Variants in CERS6 observed in about 807,000 individuals in gnomAD.
The protein encoded by CERS6 is LAG1 homolog, ceramide synthase 6.
Under a neutral mutation model 56.8 loss-of-function variants are expected in CERS6, and 26 were observed. The observed-to-expected ratio is 0.46, with a 90% CI of 0.34 to 0.63. CERS6 has a LOEUF of 0.63. CERS6 is among the 30% of genes least tolerant of loss of function. The pLI, the probability that CERS6 is intolerant of heterozygous loss-of-function variation, is 0.01. For synonymous variants in CERS6, 164 were observed against 173.3 expected, an observed-to-expected ratio of 0.95 and a Z score of 0.42; for missense variants, 415 against 467.5, an observed-to-expected ratio of 0.89 and a Z score of 1.04.
chr2:168,495,106 C>T (rs978759878), intron 1 of CERS6, among the ~76,000 whole-genome samples: 1 of 152,146 alleles, frequency 6.6e-6, no homozygotes, highest in Admixed American at 6.6e-5. Context: ...GCTGAACTCC[C>T]ATGAACAAAA....
chr2:168,695,423 G>A (rs3906484), intron 6 of CERS6, among the ~76,000 whole-genome samples: 1 of 152,114 alleles, frequency 6.6e-6, no homozygotes, highest in East Asian at 1.9e-4. Flanking sequence ...CAACCCTACA[G>A]AATTAATTCC....
At chr2:168,762,827 G>A (rs1684619196) in intron 8 of CERS6, among the ~76,000 whole-genome samples, 2 of 152,072 alleles carry the variant, frequency 1.3e-5, no homozygotes, top group African/African-American at 2.4e-5. Context: ...TGCAGAAATC[G>A]GGGGTGGGGA....
intron 4 of CERS6, among the ~76,000 whole-genome samples, chr2:168,661,052 G>A (rs879617956): frequency 3.3e-5 from 5 of 152,076 alleles, no homozygotes; most frequent in Non-Finnish European, 5.9e-5. Flanking sequence ...GCAGAGAGGC[G>A]GGAGGGGGTG....
At chr2:168,660,732 A>C (rs1040162730) in intron 4 of CERS6, among the ~76,000 whole-genome samples, 1 of 151,976 alleles carries the variant, frequency 6.6e-6, no homozygotes, top group Non-Finnish European at 1.5e-5. Flanking sequence ...TTGCTATCGC[A>C]TAGTCTTTTT....
Position 168,742,971 on chromosome 2 carries a change from C to T in CERS6, c.846-22621C>T, listed in dbSNP as rs1168451630. Among the ~76,000 whole-genome samples the T allele has an allele frequency of 2.6e-5, 4 of 152,128 alleles. No individual in the cohort carries two copies. In the East Asian group the frequency reaches 5.8e-4, roughly 22 times the overall value. ...TGCTCTCTTTTGATATTTATCTCCT[C>T]GGGATGGTTGCTTATTTGGAATTTC... On this transcript the variant is annotated intron_variant, in intron 8 of 9. Coordinates refer to ENST00000305747, the MANE Select transcript of CERS6 (RefSeq NM_203463.3).
At chr2:168,476,546 T>A (rs1480125437) in intron 1 of CERS6, among the ~76,000 whole-genome samples, 1 of 152,182 alleles carries the variant, frequency 6.6e-6, no homozygotes, top group South Asian at 2.1e-4. Flanking sequence ...TTGGCTCACA[T>A]GATCTTGGTG....
At chr2:168,476,573 A>G (rs909028104) in intron 1 of CERS6, among the ~76,000 whole-genome samples, 1 of 152,272 alleles carries the variant, frequency 6.6e-6, no homozygotes, top group South Asian at 2.1e-4. Context: ...ACGTCCTGCA[A>G]TAGGCTGTCT....
rs1309848551 is a variant in CERS6 at position 168,554,656 on chromosome 2, A to G, written c.277-6536A>G. Reference sequence around the variant, plus strand: ...TAACAGCCTCCAGAACCATGAGACTATACACTTCTGTTGTTCAGGGAACTT... The same window carrying G: ...TAACAGCCTCCAGAACCATGAGACTGTACACTTCTGTTGTTCAGGGAACTT... On this transcript the variant is annotated intron_variant, in intron 2 of 9. Coordinates refer to ENST00000305747, the MANE Select transcript of CERS6 (RefSeq NM_203463.3). Among the ~76,000 whole-genome samples the G allele has an allele frequency of 2.6e-5, 4 of 152,318 alleles. No individual in the cohort carries two copies. The East Asian group carries it at 7.7e-4, about 29-fold the overall frequency.
At chr2:168,734,157 C>G (rs1683639520) in intron 8 of CERS6, among the ~76,000 whole-genome samples, 1 of 152,028 alleles carries the variant, frequency 6.6e-6, no homozygotes, top group Admixed American at 6.6e-5. Context: ...ATAGAATTAT[C>G]CATGCAAGGG....
chr2:168,752,724 C>A (rs1684310399), intron 8 of CERS6, among the ~76,000 whole-genome samples: 1 of 152,224 alleles, frequency 6.6e-6, no homozygotes, highest in South Asian at 2.1e-4. Flanking sequence ...GTTCTGCACA[C>A]CGTTCAGTGT....
chr2:168,643,363 G>T (rs989016008), intron 4 of CERS6, among the ~76,000 whole-genome samples: 1 of 152,114 alleles, frequency 6.6e-6, no homozygotes, highest in African/African-American at 2.4e-5. Context: ...TGTTGTTGTC[G>T]GGTGGGGCTA....
chr2:168,737,579 T>C (rs1683756596), intron 8 of CERS6, among the ~76,000 whole-genome samples: 2 of 152,218 alleles, frequency 1.3e-5, no homozygotes, highest in Admixed American at 6.5e-5. Context: ...TGCTTATGAC[T>C]CCAGGCAGGG....
In CERS6 at chr2:168,707,979, G is replaced by A. The variant is rs546181402; in HGVS notation, c.610-7022G>A. On this transcript the variant is annotated intron_variant, in intron 6 of 9. Coordinates refer to ENST00000305747, the MANE Select transcript of CERS6 (RefSeq NM_203463.3). Reference sequence around the variant, plus strand: ...TACATTTCATTTTTGCCTTAAGGACGTATTTTGTGATTTATTTGCACACAT... The same window carrying A: ...TACATTTCATTTTTGCCTTAAGGACATATTTTGTGATTTATTTGCACACAT... Among the ~76,000 whole-genome samples, 14 of 152,126 alleles carry A rather than the reference G, an allele frequency of 9.2e-5. No individual in the cohort carries two copies. In the East Asian group the frequency reaches 1.9e-3, roughly 21 times the overall value.
chr2:168,533,555 G>A (rs1695205337), intron 1 of CERS6, among the ~76,000 whole-genome samples: 1 of 152,180 alleles, frequency 6.6e-6, no homozygotes, highest in African/African-American at 2.4e-5. Context: ...TGCCCATTCG[G>A]TATGATGAGT....
intron 7 of CERS6, among the ~76,000 whole-genome samples, chr2:168,717,287 T>G (rs1687247967): frequency 6.6e-6 from 1 of 152,166 alleles, no homozygotes; most frequent in Admixed American, 6.5e-5. Flanking sequence ...GACATCATCT[T>G]GACACTTTCT....
intron 1 of CERS6, among the ~76,000 whole-genome samples, chr2:168,501,970 A>G (rs2105345491): frequency 6.6e-6 from 1 of 152,316 alleles, no homozygotes. Context: ...TTGTTTTCAT[A>G]CCACTATGGG....
At chr2:168,663,967 A>G (rs1344990461) in intron 4 of CERS6, among the ~76,000 whole-genome samples, 1 of 152,154 alleles carries the variant, frequency 6.6e-6, no homozygotes, top group Non-Finnish European at 1.5e-5. Flanking sequence ...CCCAGCAACT[A>G]TATAAAAATG....
At chr2:168,595,986 C>T (rs373304180) in intron 3 of CERS6, among the ~76,000 whole-genome samples, 27 of 151,162 alleles carry the variant, frequency 1.8e-4, no homozygotes, top group Middle Eastern at 3.4e-3. Context: ...TGGTGGCTCA[C>T]GCCTGTAATT....
intron 8 of CERS6, among the ~76,000 whole-genome samples, chr2:168,744,298 T>C (rs574988474): frequency 2.6e-5 from 4 of 152,094 alleles, no homozygotes; most frequent in African/African-American, 9.7e-5. Context: ...GAGCCACCGT[T>C]CCCGGCCTGT....
Sources: gnomAD v4.1 joint callset for allele counts (sites outside exome capture counted in the v4.1 genomes callset) on GRCh38, gnomAD v4.1.1 for gene constraint, MANE v1.5 for transcripts, NCBI Gene and HGNC (gene_info 2026-07-23, HGNC 2026-07-21) for gene names.